Variants in THSD7B observed in about 807,000 individuals in gnomAD.
THSD7B encodes the protein thrombospondin type-1 domain-containing protein 7B.
In THSD7B, 138 loss-of-function variants were observed where a neutral mutation model predicts 213.6. The ratio of observed to expected loss-of-function variants is 0.65; its 90% CI spans 0.56 to 0.74. The LOEUF (loss-of-function observed/expected upper bound fraction) is 0.74, where lower values mean the gene tolerates loss of function less well. Ranked by LOEUF, THSD7B falls within the 30% of genes least tolerant of loss-of-function variation. THSD7B has a pLI of 0.00. For missense variants in THSD7B, 1,931 were observed against 1,991.5 expected (o/e 0.97, Z 0.58); for synonymous variants, 742 against 687.0 (o/e 1.08, Z -1.25).
At chr2:137,273,025 T>TACACACAC (rs71877881) in intron 11 of THSD7B, among the ~76,000 whole-genome samples, 121 of 141,064 alleles carry the variant, frequency 8.6e-4, no homozygotes, top group African/African-American at 3.0e-3. Context: ...GGAGAAGGAA[T>TACACACAC]ACACACACAC....
At chr2:137,404,299 C>T (rs1008992819) in intron 12 of THSD7B, among the ~76,000 whole-genome samples, 2 of 151,086 alleles carry the variant, frequency 1.3e-5, no homozygotes, top group Non-Finnish European at 2.9e-5. Flanking sequence ...GGTATCTACC[C>T]AGAGGAAAAG....
At chr2:137,657,840 G>A (rs74362634) in intron 24 of THSD7B, among the ~76,000 whole-genome samples, 13,238 of 152,084 alleles carry the variant, frequency 0.087, 652 homozygotes, top group Middle Eastern at 0.16. Context: ...TCAGCTTCCT[G>A]AGTAGTTGGG....
intron 13 of THSD7B, among the ~76,000 whole-genome samples, chr2:137,407,635 G>A (rs1387701647): frequency 6.6e-6 from 1 of 151,930 alleles, no homozygotes; most frequent in Non-Finnish European, 1.5e-5. Flanking sequence ...TGAAAGTCTT[G>A]TACTCAAACT....
At chr2:137,451,507 C>G (rs1687651751) in intron 15 of THSD7B, among the ~76,000 whole-genome samples, 1 of 151,932 alleles carries the variant, frequency 6.6e-6, no homozygotes, top group South Asian at 2.1e-4. Flanking sequence ...TCAATCTTGC[C>G]AAATCTTCCA....
At chr2:136,890,398 TTCCTCTTCC>T (rs1683809878) in intron 2 of THSD7B, among the ~76,000 whole-genome samples, 1 of 2,240 alleles carries the variant, frequency 4.5e-4, no homozygotes, top group Non-Finnish European at 1.5e-3. Flanking sequence ...CCTCTTCCTC[TTCCTCTTCC>T]TCTTCTTCTT....
intron 9 of THSD7B, among the ~76,000 whole-genome samples, chr2:137,237,629 C>G (rs1427284513): frequency 6.6e-6 from 1 of 152,186 alleles, no homozygotes; most frequent in African/African-American, 2.4e-5. Context: ...AAAGTCTTTT[C>G]TCTGTCAGTG....
chr2:137,124,641 A>G (rs1688602269), intron 5 of THSD7B, among the ~76,000 whole-genome samples: 1 of 152,152 alleles, frequency 6.6e-6, no homozygotes, highest in African/African-American at 2.4e-5. Flanking sequence ...TTCTAATTCC[A>G]AGATCCTGTG....
At chr2:137,037,706 G>A (rs369231450) in intron 2 of THSD7B, among the ~76,000 whole-genome samples, 28 of 152,184 alleles carry the variant, frequency 1.8e-4, no homozygotes, top group South Asian at 1.0e-3. Context: ...AGTACTTTCT[G>A]CATGAACAAA....
At chr2:137,507,296 G>T (rs1679858478) in intron 15 of THSD7B, among the ~76,000 whole-genome samples, 2 of 152,126 alleles carry the variant, frequency 1.3e-5, no homozygotes, top group African/African-American at 4.8e-5. Flanking sequence ...GCCTTGGGGA[G>T]GTCAAACTCC....
At chr2:137,564,411 C>T (rs902078973) in intron 16 of THSD7B, among the ~76,000 whole-genome samples, 3 of 152,210 alleles carry the variant, frequency 2.0e-5, no homozygotes, top group Admixed American at 1.3e-4. Context: ...TCCTCACCAG[C>T]TCAAGCAAAT....
chr2:137,554,526 G>C (rs1680913399), intron 15 of THSD7B, among the ~76,000 whole-genome samples: 1 of 152,302 alleles, frequency 6.6e-6, no homozygotes, highest in East Asian at 1.9e-4. Context: ...GGACTAAGGT[G>C]AGATAAAGAG....
chr2:137,255,301 T>C (rs765859024), intron 10 of THSD7B, among the ~76,000 whole-genome samples: 1 of 152,164 alleles, frequency 6.6e-6, no homozygotes, highest in Non-Finnish European at 1.5e-5. Flanking sequence ...TGAGCACAGC[T>C]GAGAAGACAG....
At chr2:137,342,708 A>ATTTTG (rs35535578) in intron 12 of THSD7B, among the ~76,000 whole-genome samples, 3 of 150,252 alleles carry the variant, frequency 2.0e-5, no homozygotes, top group African/African-American at 7.3e-5. Context: ...TGGTGAGAAG[A>ATTTTG]TTTTGTTTTG....
chr2:137,619,749 A>G (rs1424066680), intron 19 of THSD7B, among the ~76,000 whole-genome samples: 1 of 152,238 alleles, frequency 6.6e-6, no homozygotes, highest in Non-Finnish European at 1.5e-5. Context: ...AAAAAATACC[A>G]GTTTAAAGCA....
chr2:137,656,856 G>C lies in THSD7B; in HGVS notation c.4166G>C (p.Gly1389Ala), dbSNP rs1683246030. 6.2e-7 allele frequency: 1 copy of C among 1,614,020 alleles called. No homozygotes were observed. Among genetic ancestry groups the C allele is most frequent in the Non-Finnish European group, 8.5e-7 (1 of 1,179,898 alleles). The change falls in exon 23 of 28, where the codon GGA becomes GCA. Residue 1389 changes from glycine (G) to alanine (A), a missense_variant. Physicochemically the swap from Gly to Ala is moderately conservative, Grantham distance 60 (BLOSUM62 0). Coordinates refer to ENST00000409968, the MANE Select transcript of THSD7B (RefSeq NM_001316349.2). ...WSTCELTCID[G>A]RSFETVGRQS... is the part of the protein sequence containing the mutation. ...ACATGTGAATTAACCTGCATTGATG[G>C]AAGAAGCTTTGAGACTGTGGGCCGC...
intron 7 of THSD7B, among the ~76,000 whole-genome samples, chr2:137,190,220 C>T (rs1166588121): frequency 6.6e-6 from 1 of 152,136 alleles, no homozygotes; most frequent in Non-Finnish European, 1.5e-5. Flanking sequence ...ATTTTTTGAA[C>T]TCTGTGGGTT....
intron 1 of THSD7B, among the ~76,000 whole-genome samples, chr2:136,769,750 G>A (rs1466905384): frequency 6.6e-6 from 1 of 152,096 alleles, no homozygotes; most frequent in Non-Finnish European, 1.5e-5. Flanking sequence ...ATTTTTTGAC[G>A]TTAAAAAGAA....
Position 137,677,168 on chromosome 2 carries a change from A to ATAT in THSD7B, c.*565_*567dup, listed in dbSNP as rs1683722565. ...AATTCTCTGAGTTTTTAACCTTTAA[A>ATAT]TATTGTATTTTGTTTTGTAGCCAGG... On this transcript the variant is annotated 3_prime_UTR_variant, in exon 28 of 28. Transcript: ENST00000409968. 6.6e-6 allele frequency: 1 copy of ATAT among 152,542 alleles called. No homozygotes were observed. The highest frequency in any genetic ancestry group is 2.4e-5 in the African/African-American group (1 of 41,418). 9.4% of individuals were successfully genotyped at this position (152,542 alleles called of 1,614,324 possible). A position where few individuals can be genotyped will look rare whatever the true frequency, so the allele number is the denominator to read the frequency against.
At chr2:137,449,780 T>G (rs1186108206) in intron 14 of THSD7B, among the ~76,000 whole-genome samples, 1 of 152,154 alleles carries the variant, frequency 6.6e-6, no homozygotes, top group Non-Finnish European at 1.5e-5. Flanking sequence ...CTTTTAAGGC[T>G]TTTCACCCAA....
Sources: gnomAD v4.1 joint callset for allele counts (sites outside exome capture counted in the v4.1 genomes callset) on GRCh38, gnomAD v4.1.1 for gene constraint, MANE v1.5 for transcripts, NCBI Gene and HGNC (gene_info 2026-07-23, HGNC 2026-07-21) for gene names.